Variants in USP7 observed in about 807,000 individuals in gnomAD.
USP7 encodes the protein ubiquitin specific peptidase 7, also known as ubiquitin C-terminal hydrolase 7.
A neutral mutation model predicts 162.9 loss-of-function variants in USP7; 9 were observed. The ratio of observed to expected loss-of-function variants is 0.06; its 90% CI spans 0.03 to 0.10. USP7 has a LOEUF of 0.10. Ranked by LOEUF, USP7 falls within the 10% of genes least tolerant of loss-of-function variation. The probability of loss-of-function intolerance (pLI) is 1.00; values close to 1 mark genes in which losing one functional copy is unlikely to be tolerated. For synonymous variants in USP7, 562 were observed against 475.9 expected (o/e 1.18, Z -2.35); for missense variants, 715 against 1,373.7 (o/e 0.52, Z 7.58).
chr16:8,960,684 C>T (rs889511491), intron 1 of USP7, among the ~76,000 whole-genome samples: 3 of 152,210 alleles, frequency 2.0e-5, no homozygotes, highest in African/African-American at 7.2e-5. Context: ...GGACCCCACT[C>T]ACAGCCTGGT....
At chr16:8,955,909 C>G (rs1899778969) in intron 1 of USP7, among the ~76,000 whole-genome samples, 1 of 152,060 alleles carries the variant, frequency 6.6e-6, no homozygotes, top group Admixed American at 6.6e-5. Flanking sequence ...AAACACACCT[C>G]TCAACTTTTT....
chr16:8,949,422 C>T (rs1330100836), intron 1 of USP7: 1 of 152,224 alleles, frequency 6.6e-6, no homozygotes, highest in East Asian at 1.9e-4. Flanking sequence ...AACTTTACAA[C>T]CTCAAAGTCT....
In USP7 at chr16:8,895,657, C is replaced by G; in HGVS notation, c.2904G>C (p.Arg968=). The G allele has an allele frequency of 6.2e-7, 1 of 1,613,070 alleles. No homozygotes were observed. Among genetic ancestry groups the G allele is most frequent in the Non-Finnish European group, 8.5e-7 (1 of 1,179,738 alleles). Residue 968 remains arginine (R), a synonymous_variant, in exon 27 of 31, where the codon CGG becomes CGC. Transcript: ENST00000344836. ...GGACAGATACCTCTATTCGAAACGT[C>G]CGGCTCGTTGCAGGAGATAAACATT... is the stretch of plus-strand genomic sequence containing the variant. ...LLECLSPATS[R]TFRIEEIPLD...
At chr16:8,910,198 C>A (rs968014314) in intron 11 of USP7, among the ~76,000 whole-genome samples, 109 of 152,046 alleles carry the variant, frequency 7.2e-4, no homozygotes, top group African/African-American at 2.5e-3. Flanking sequence ...ACCAGCCAGA[C>A]CAGCAGCCAG....
intron 22 of USP7, 112 bp downstream of exon 22, chr16:8,899,492 A>G: frequency 7.3e-7 from 1 of 1,367,572 alleles, no homozygotes; most frequent in Non-Finnish European, 1.0e-6. Context: ...TTCCTCGGGC[A>G]TAGCCCCTTC....
rs563150728 is a variant in USP7 at position 8,952,981 on chromosome 16, C to T, written c.79+10226G>A. On this transcript the variant is annotated intron_variant, in intron 1 of 30. Coordinates refer to ENST00000344836, the MANE Select transcript of USP7 (RefSeq NM_003470.3). ...CCTCCCAAGTAGCTGGGATTACAGTCGCGTGTCACCATGCCAGGCTATTTT... is the reference window on the plus strand; with the variant it reads ...CCTCCCAAGTAGCTGGGATTACAGTTGCGTGTCACCATGCCAGGCTATTTT... Among the ~76,000 whole-genome samples, 127 of 152,224 alleles carry T rather than the reference C, an allele frequency of 8.3e-4. 1 individual carries two copies. Among genetic ancestry groups the T allele is most frequent in the African/African-American group, 2.9e-3 (120 of 41,532 alleles).
intron 11 of USP7, among the ~76,000 whole-genome samples, chr16:8,910,042 T>C (rs1055589163): frequency 6.6e-6 from 1 of 152,212 alleles, no homozygotes; most frequent in Admixed American, 6.5e-5. Flanking sequence ...ACAGGCACCA[T>C]GAACTATATA....
At chr16:8,917,003 A>T in intron 7 of USP7, 23 bp downstream of exon 7, 1 of 1,544,274 alleles carries the variant, frequency 6.5e-7, no homozygotes, top group Non-Finnish European at 8.7e-7. Flanking sequence ...GCAGAATGGC[A>T]AAGGCAGATG....
At chr16:8,957,227 G>T (rs777308903) in intron 1 of USP7, among the ~76,000 whole-genome samples, 8 of 152,164 alleles carry the variant, frequency 5.3e-5, no homozygotes, top group Admixed American at 3.3e-4. Context: ...TGGCATAACT[G>T]ACTTTCTTGC....
At chr16:8,918,938 G>C in intron 6 of USP7, 93 bp downstream of exon 6, 1 of 1,249,420 alleles carries the variant, frequency 8.0e-7, no homozygotes, top group African/African-American at 1.5e-5. Flanking sequence ...CCAGGGGAGG[G>C]AGACGCCATG....
At chr16:8,923,167 G>A in intron 3 of USP7, 48 bp downstream of exon 3, 2 of 30,086 alleles carry the variant, frequency 6.6e-5, no homozygotes, top group South Asian at 5.6e-4. Context: ...AGATAAAATT[G>A]CACTAGGCTG....
At chr16:8,961,785 C>G (rs909379408) in intron 1 of USP7, among the ~76,000 whole-genome samples, 1 of 152,158 alleles carries the variant, frequency 6.6e-6, no homozygotes, top group Non-Finnish European at 1.5e-5. Context: ...ACACAAAATT[C>G]CCTCAGTAAA....
chr16:8,963,134 TG>T, intron 1 of USP7, 72 bp downstream of exon 1: 2 of 1,284,826 alleles, frequency 1.6e-6, no homozygotes, highest in Non-Finnish European at 1.0e-6. Context: ...GCCCCTCGCG[TG>T]GCTCCCGCGG....
rs181092779 is a variant in USP7, at chr16:8,917,833, A to G, written c.721-677T>C. On this transcript the variant is annotated intron_variant, in intron 6 of 30. Coordinates refer to ENST00000344836, the MANE Select transcript of USP7 (RefSeq NM_003470.3). ...GAGACGGAGTCTTGCTCTGTCACCC[A>G]GGCTGGAATGCAGTGGCGTGATCTT... is the stretch of plus-strand genomic sequence containing the variant. 4.5e-3 allele frequency among the ~76,000 whole-genome samples: 684 copies of G among 152,082 alleles called. 8 individuals carry two copies. The highest frequency in any genetic ancestry group is 0.015 in the African/African-American group (635 of 41,470).
At chr16:8,949,413 A>T (rs1305165226) in intron 1 of USP7, 1 of 152,240 alleles carries the variant, frequency 6.6e-6, no homozygotes, top group African/African-American at 2.4e-5. Context: ...CAGTCCCTGA[A>T]CTTTACAACC....
At chr16:8,946,574 C>G (rs569476656) in intron 1 of USP7, among the ~76,000 whole-genome samples, 7 of 152,148 alleles carry the variant, frequency 4.6e-5, no homozygotes, top group Non-Finnish European at 8.8e-5. Context: ...AACAACAGTT[C>G]ACAAAACTCA....
At position 8,934,656 on chromosome 16, in the gene USP7, G is replaced by C. The variant is rs1354217526; in HGVS notation, c.80-4259C>G. ...GCAGCAGAATCTGAGCAAGACCCCA[G>C]CTTTTACATCCAAATTAACACATCT... On this transcript the variant is annotated intron_variant, in intron 1 of 30. Coordinates refer to ENST00000344836, the MANE Select transcript of USP7 (RefSeq NM_003470.3). Among the ~76,000 whole-genome samples the C allele has an allele frequency of 2.0e-5, 3 of 152,356 alleles. No individual in the cohort carries two copies. In the East Asian group the frequency reaches 5.8e-4, roughly 29 times the overall value.
chr16:8,932,585 T>A lies in USP7; in HGVS notation c.80-2188A>T, dbSNP rs1254471157. Among the ~76,000 whole-genome samples the A allele has an allele frequency of 2.0e-5, 3 of 150,698 alleles. No individual in the cohort carries two copies. In the East Asian group the frequency reaches 5.9e-4, roughly 30 times the overall value. ...CTTTTTGCTGGTTAACTAGCTCAAA[T>A]GCTCCAAATCAAATATACATGCTAA... On this transcript the variant is annotated intron_variant, in intron 1 of 30. Transcript: ENST00000344836.
chr16:8,902,585 T>G, intron 16 of USP7, 103 bp from the exon 17 acceptor site: 1 of 954,964 alleles, frequency 1.0e-6, no homozygotes, highest in South Asian at 1.7e-5. Flanking sequence ...ATATATATAG[T>G]CAATGTTAAG....
Sources: allele counts gnomAD v4.1 joint callset (sites outside exome capture counted in the v4.1 genomes callset), GRCh38; gene constraint gnomAD v4.1.1; transcripts MANE v1.5; gene names NCBI Gene and HGNC (gene_info 2026-07-23, HGNC 2026-07-21).